ZBTB20: variants seen among roughly 807,000 people sequenced by gnomAD.
ZBTB20 encodes zinc finger and BTB domain containing 20, also known as zinc finger and BTB domain-containing protein 20.
ZBTB20 carries 9 observed loss-of-function variants against 56.9 expected under a neutral mutation model. The ratio of observed to expected loss-of-function variants is 0.16; its 90% CI spans 0.10 to 0.28. ZBTB20 has a LOEUF of 0.28. Ranked by LOEUF, ZBTB20 falls within the 10% of genes least tolerant of loss-of-function variation. The pLI is 1.00. For missense variants in ZBTB20, 655 were observed against 1,003.0 expected (o/e 0.65, Z 4.69); for synonymous variants, 417 against 420.7 (o/e 0.99, Z 0.11).
At chr3:115,079,984 T>C (rs570938428) in intron 1 of ZBTB20, among the ~76,000 whole-genome samples, 1 of 152,330 alleles carries the variant, frequency 6.6e-6, no homozygotes, top group South Asian at 2.1e-4. Flanking sequence ...TATCTGCATT[T>C]TACAGATGAG....
chr3:114,315,567 C>CTG lies in ZBTB20; in HGVS notation c.*23437_*23438insCA, dbSNP rs1560041347. The CTG allele has an allele frequency of 0.014, 475 of 35,010 alleles. 3 individuals carry two copies. Among genetic ancestry groups the CTG allele is most frequent in the African/African-American group, 0.041 (452 of 10,960 alleles). 2.2% of individuals were successfully genotyped at this position (35,010 alleles called of 1,614,324 possible). A position where few individuals can be genotyped will look rare whatever the true frequency, so the allele number is the denominator to read the frequency against. On this transcript the variant is annotated 3_prime_UTR_variant, in exon 12 of 12. Transcript: ENST00000675478. ...TGTGTGTATTTTAGGTCTAAACATA[C>CTG]AGTGTGTGTGTGTGTGTGTGTGTGT...
At chr3:114,445,604 A>T (rs2091222048) in intron 7 of ZBTB20, 1 of 152,168 alleles carries the variant, frequency 6.6e-6, no homozygotes, top group Admixed American at 6.6e-5. Flanking sequence ...ATTTTATTTT[A>T]TCTGATCGAT....
At position 114,320,743 on chromosome 3, in the gene ZBTB20, A is replaced by C. The variant is rs1259990515; in HGVS notation, c.*18262T>G. On this transcript the variant is annotated 3_prime_UTR_variant, in exon 12 of 12. Transcript: ENST00000675478. ...AAAGATATTTCATTAACAGGTTGGT[A>C]CTGCATCCATGTGGGGACAATAGAA... 1 of 152,194 alleles carries C rather than the reference A, an allele frequency of 6.6e-6. No individual in the cohort carries two copies. Among genetic ancestry groups the C allele is most frequent in the African/African-American group, 2.4e-5 (1 of 41,468 alleles). 9.4% of individuals were successfully genotyped at this position (152,194 alleles called of 1,614,324 possible). A position where few individuals can be genotyped will look rare whatever the true frequency, so the allele number is the denominator to read the frequency against.
chr3:114,839,138 T>C (rs1467372367), intron 4 of ZBTB20, among the ~76,000 whole-genome samples: 1 of 152,142 alleles, frequency 6.6e-6, no homozygotes, highest in Non-Finnish European at 1.5e-5. Context: ...CGCTGTCTCA[T>C]GCCTATAATC....
At chr3:115,039,414 G>C (rs2081054894) in intron 2 of ZBTB20, among the ~76,000 whole-genome samples, 1 of 151,964 alleles carries the variant, frequency 6.6e-6, no homozygotes, top group Non-Finnish European at 1.5e-5. Context: ...TTAATAAAAT[G>C]ATGGGTTGAG....
intron 7 of ZBTB20, among the ~76,000 whole-genome samples, chr3:114,391,321 G>C (rs6799246): frequency 1.3e-4 from 20 of 152,086 alleles, no homozygotes; most frequent in African/African-American, 4.8e-4. Flanking sequence ...GCCCAATCTA[G>C]TTTCTCACTC....
intron 6 of ZBTB20, among the ~76,000 whole-genome samples, chr3:114,549,999 G>A (rs1048861154): frequency 3.3e-5 from 5 of 151,692 alleles, no homozygotes; most frequent in African/African-American, 9.7e-5. Flanking sequence ...GTGCAGTGGC[G>A]CGATCTCAGC....
rs561504644 is a variant in ZBTB20, at chr3:114,641,707, C to G, written c.-295+51821G>C. 1.5e-4 allele frequency among the ~76,000 whole-genome samples: 22 copies of G among 151,622 alleles called. No homozygotes were observed. The South Asian group carries it at 4.0e-3, about 27-fold the overall frequency. On this transcript the variant is annotated intron_variant, in intron 6 of 11. Coordinates refer to ENST00000675478, the MANE Select transcript of ZBTB20 (RefSeq NM_001348800.3). ...CCTCTTTCTTTTTGCTGATATTTTC[C>G]TATTTCTTTTCTGAAATCTTAATTT...
chr3:114,466,766 T>G (rs72952512), intron 7 of ZBTB20, among the ~76,000 whole-genome samples: 8,841 of 152,276 alleles, frequency 0.058, 850 homozygotes, highest in African/African-American at 0.2. Flanking sequence ...CAAGGGACTC[T>G]GCTAGGACCT....
chr3:114,986,074 A>G (rs953002875), intron 2 of ZBTB20, among the ~76,000 whole-genome samples: 7 of 152,078 alleles, frequency 4.6e-5, no homozygotes, highest in African/African-American at 1.4e-4. Flanking sequence ...ATTTAGAAAG[A>G]AAATTTGATC....
At chr3:114,942,576 G>A (rs776636807) in intron 3 of ZBTB20, among the ~76,000 whole-genome samples, 2 of 145,504 alleles carry the variant, frequency 1.4e-5, no homozygotes, top group Non-Finnish European at 3.0e-5. Flanking sequence ...CAGTTCTACT[G>A]TGATAGAGTA....
chr3:115,097,442 A>G, intron 1 of ZBTB20, among the ~76,000 whole-genome samples: 1 of 151,912 alleles, frequency 6.6e-6, no homozygotes, highest in Non-Finnish European at 1.5e-5. Context: ...TCGGCCTCCC[A>G]AAGTGCCCTA....
chr3:115,016,073 A>G (rs2079942055), intron 2 of ZBTB20, among the ~76,000 whole-genome samples: 1 of 151,948 alleles, frequency 6.6e-6, no homozygotes, highest in Non-Finnish European at 1.5e-5. Flanking sequence ...ATGATCATTG[A>G]TGTTGAGCTT....
At chr3:114,776,976 C>T (rs1357676687) in intron 5 of ZBTB20, among the ~76,000 whole-genome samples, 2 of 152,084 alleles carry the variant, frequency 1.3e-5, no homozygotes, top group South Asian at 2.1e-4. Flanking sequence ...TAAGTTAATG[C>T]TTACACACAT....
In ZBTB20 at chr3:115,121,253, T is replaced by C. The variant is rs187860122; in HGVS notation, c.-703+25966A>G. 3.7e-3 allele frequency among the ~76,000 whole-genome samples: 559 copies of C among 152,180 alleles called. 2 individuals are homozygous for C. The highest frequency in any genetic ancestry group is 0.012 in the African/African-American group (488 of 41,570). On this transcript the variant is annotated intron_variant, in intron 1 of 11. Transcript: ENST00000675478. ...GGTGCATTTAAAATCTTTTTTATTG[T>C]GGAAACTTTCAAACATACAAAAAGA...
intron 4 of ZBTB20, among the ~76,000 whole-genome samples, chr3:114,802,535 C>A (rs900345868): frequency 6.6e-6 from 1 of 151,752 alleles, no homozygotes; most frequent in African/African-American, 2.4e-5. Context: ...TCTCACATGC[C>A]TGAATTAGGC....
At chr3:114,451,286 C>T (rs2091592165) in intron 7 of ZBTB20, among the ~76,000 whole-genome samples, 1 of 151,574 alleles carries the variant, frequency 6.6e-6, no homozygotes. Context: ...GTTGCTTCTA[C>T]TTTTATTTCT....
chr3:114,737,211 A>G (rs1371935900), intron 5 of ZBTB20, among the ~76,000 whole-genome samples: 1 of 152,196 alleles, frequency 6.6e-6, no homozygotes, highest in East Asian at 1.9e-4. Context: ...ATAGAACTCT[A>G]AAGACTTAGT....
At chr3:114,437,824 T>G (rs747292585) in intron 7 of ZBTB20, among the ~76,000 whole-genome samples, 7 of 152,106 alleles carry the variant, frequency 4.6e-5, no homozygotes, top group Non-Finnish European at 8.8e-5. Flanking sequence ...GAACACCCCT[T>G]GAGTTATCCA....
Sources: allele counts gnomAD v4.1 joint callset (sites outside exome capture counted in the v4.1 genomes callset), GRCh38; gene constraint gnomAD v4.1.1; transcripts MANE v1.5; gene names NCBI Gene and HGNC (gene_info 2026-07-23, HGNC 2026-07-21).